MUC17: variants seen among roughly 807,000 people sequenced by gnomAD.
The protein encoded by MUC17 is mucin 17, cell surface associated.
In MUC17, 190 loss-of-function variants were observed where a neutral mutation model predicts 170.3. The ratio of observed to expected loss-of-function variants is 1.12; its 90% confidence interval spans 0.99 to 1.26. The LOEUF is 1.26. MUC17 is among the 50% of genes most tolerant of loss of function. MUC17 has a pLI of 0.00. For synonymous variants in MUC17, 2,325 were observed against 2,002.5 expected (o/e 1.16, Z -4.30); for missense variants, 6,415 against 5,530.0 (o/e 1.16, Z -5.08).
rs1439936202 is a variant in MUC17 at position 101,037,987 on chromosome 7, C to A, written c.6571C>A (p.Pro2191Thr). Residue 2191 changes from proline (P) to threonine (T), a missense_variant, in exon 3 of 13, where the codon CCT becomes ACT. Physicochemically the swap from Pro to Thr is conservative, Grantham distance 38 (BLOSUM62 -1). Coordinates refer to ENST00000306151, the MANE Select transcript of MUC17 (RefSeq NM_001040105.2). ...AACAACTCCTGTTGACACCAGCACA[C>A]CTGTGACCAATTCTACTGAAGCCCG... ...LSTTPVDTST[P>T]VTNSTEARSS... The A allele has an allele frequency of 6.2e-7, 1 of 1,608,304 alleles. No individual in the cohort carries two copies. Among genetic ancestry groups the A allele is most frequent in the Non-Finnish European group, 8.5e-7 (1 of 1,176,924 alleles).
At chr7:101,025,029 A>C (rs1421538926) in intron 1 of MUC17, among the ~76,000 whole-genome samples, 1 of 151,968 alleles carries the variant, frequency 6.6e-6, no homozygotes, top group Non-Finnish European at 1.5e-5. Flanking sequence ...TCTAAAAAAA[A>C]GAAAAATTTA....
Position 101,043,606 on chromosome 7 carries a change from C to A in MUC17, c.12190C>A (p.Pro4064Thr). The A allele has an allele frequency of 1.9e-6, 3 of 1,614,206 alleles. No homozygotes were observed. The highest frequency in any genetic ancestry group is 2.5e-6 in the Non-Finnish European group (3 of 1,180,042). Residue 4064 changes from proline to threonine, a missense_variant, in exon 3 of 13, where the codon CCT becomes ACT. Coordinates refer to ENST00000306151, the MANE Select transcript of MUC17 (RefSeq NM_001040105.2). Reference protein sequence around the residue: ...PSTITSHTIPPTFPPAHSSTP... With the variant: ...PSTITSHTIPTTFPPAHSSTP... The stretch of plus-strand genomic sequence containing the variant: ...AACAATTACTTCTCACACCATCCCA[C>A]CTACATTTCCTCCTGCTCACTCCAG...
rs987104572 is a variant in MUC17 at position 101,039,139 on chromosome 7, C to G, written c.7723C>G (p.Pro2575Ala). The change falls in exon 3 of 13, where the codon CCA (proline) becomes GCA (alanine). Residue 2575 changes from proline (P) to alanine (A), a missense_variant. By Grantham distance (27) the Pro-to-Ala change is conservative (BLOSUM62 -1). Transcript: ENST00000306151. ...CTCAACTTATAGTGAAGGAAGCACT[C>G]CATTAAGAAGTATGCCTGTCAGCAC... ...PTSTYSEGSTPLRSMPVSTKP... is the reference protein window; with the variant it reads ...PTSTYSEGSTALRSMPVSTKP... 6 of 1,613,878 alleles carry G rather than the reference C, an allele frequency of 3.7e-6. No homozygotes were observed. The highest frequency in any genetic ancestry group is 5.1e-6 in the Non-Finnish European group (6 of 1,179,966).
At position 101,041,136 on chromosome 7, in the gene MUC17, C is replaced by T; in HGVS notation, c.9720C>T (p.Ser3240=). The part of the protein sequence containing the change: ...SNTPVASSEA[S]ILSTTPVDSN... ...CGCCGGTGGCCAGTTCTGAGGCTAG[C>T]ATCCTTTCAACAACTCCTGTTGACT... Residue 3240 remains serine, a synonymous_variant, in exon 3 of 13, where the codon AGC becomes AGT. Coordinates refer to ENST00000306151, the MANE Select transcript of MUC17 (RefSeq NM_001040105.2). The T allele has an allele frequency of 6.2e-7, 1 of 1,613,670 alleles. No individual in the cohort carries two copies. Among genetic ancestry groups the T allele is most frequent in the African/African-American group, 1.3e-5 (1 of 74,924 alleles).
In MUC17 at chr7:101,033,355, A is replaced by G. The variant is rs1262558068; in HGVS notation, c.1939A>G (p.Ser647Gly). ...STTLVASSEA[S>G]TLSTTPVDSN... Reference sequence around the variant, plus strand: ...CACACTGGTGGCCAGTTCTGAGGCTAGCACCCTTTCAACAACTCCTGTTGA... The same window carrying G: ...CACACTGGTGGCCAGTTCTGAGGCTGGCACCCTTTCAACAACTCCTGTTGA... Residue 647 changes from serine (S) to glycine (G), a missense_variant, in exon 3 of 13, where the codon AGC becomes GGC. Ser to Gly is a moderately conservative substitution (Grantham distance 56). Transcript: ENST00000306151. 1 of 1,613,934 alleles carries G rather than the reference A, an allele frequency of 6.2e-7. No individual in the cohort carries two copies. Among genetic ancestry groups the G allele is most frequent in the Non-Finnish European group, 8.5e-7 (1 of 1,179,844 alleles).
intron 11 of MUC17, 79 bp downstream of exon 11, chr7:101,053,515 C>A: frequency 1.7e-6 from 2 of 1,159,622 alleles, no homozygotes; most frequent in Non-Finnish European, 2.5e-6. Flanking sequence ...CATCTGTAAT[C>A]CCAGCACTTT....
chr7:101,052,002 C>T (rs1794956893), intron 9 of MUC17, 40 bp downstream of exon 9: 2 of 1,585,258 alleles, frequency 1.3e-6, no homozygotes, highest in Non-Finnish European at 1.7e-6. Flanking sequence ...GCCCAGACGT[C>T]CTGGTCCTCC....
Position 101,038,512 on chromosome 7 carries a change from A to G in MUC17, c.7096A>G (p.Ser2366Gly). 2.5e-6 allele frequency: 4 copies of G among 1,605,046 alleles called. No individual in the cohort carries two copies. Among genetic ancestry groups the G allele is most frequent in the Non-Finnish European group, 3.4e-6 (4 of 1,174,468 alleles). The change falls in exon 3 of 13, where the codon AGC (serine) becomes GGC (glycine). Residue 2366 changes from serine (S) to glycine (G), a missense_variant. Coordinates refer to ENST00000306151, the MANE Select transcript of MUC17 (RefSeq NM_001040105.2). The part of the protein sequence containing the change: ...STLSTTPADT[S>G]TPVTTYSQAG... Reference sequence around the variant, plus strand: ...ACTTTCTACAACTCCTGCTGACACCAGCACACCTGTGACTACTTATTCTCA... The same window carrying G: ...ACTTTCTACAACTCCTGCTGACACCGGCACACCTGTGACTACTTATTCTCA...
Position 101,048,075 on chromosome 7 carries a change from T to G in MUC17, c.12495T>G (p.Tyr4165Ter), listed in dbSNP as rs1309148019. Residue 4165 changes from tyrosine to a stop codon, truncating the protein, a stop_gained, in exon 4 of 13, where the codon TAT (tyrosine) becomes TAG (stop). Coordinates refer to ENST00000306151, the MANE Select transcript of MUC17 (RefSeq NM_001040105.2). LOFTEE classifies it high-confidence loss of function. ...AGTGCCAGTGTCCCAACCTCTATTATGGGGAGTTGTGTGAGGAGGTGGTCA... is the reference window on the plus strand; with the variant it reads ...AGTGCCAGTGTCCCAACCTCTATTAGGGGGAGTTGTGTGAGGAGGTGGTCA... ...GLKCQCPNLY[Y>*]GELCEEVVSS... is the part of the protein sequence containing the mutation. 2 of 1,604,644 alleles carry G rather than the reference T, an allele frequency of 1.2e-6. No individual in the cohort carries two copies. Among genetic ancestry groups the G allele is most frequent in the East Asian group, 4.6e-5 (2 of 43,866 alleles).
In MUC17 at chr7:101,052,990, G is replaced by A. The variant is rs201025775; in HGVS notation, c.13108G>A (p.Val4370Met). The A allele has an allele frequency of 1.1e-5, 17 of 1,612,244 alleles. No homozygotes were observed. Among genetic ancestry groups the A allele is most frequent in the South Asian group, 3.3e-5 (3 of 90,854 alleles). ...GCCGCTTCTCTCCCATCTCAGCTGCGTGACCACGGAAACTCACTGGTACAG... is the reference window on the plus strand; with the variant it reads ...GCCGCTTCTCTCCCATCTCAGCTGCATGACCACGGAAACTCACTGGTACAG... ...MSLSGPQCLC[V>M]TTETHWYSGE... The change falls in exon 10 of 13, where the codon GTG (valine) becomes ATG (methionine). Residue 4370 changes from valine to methionine, a missense_variant. Coordinates refer to ENST00000306151, the MANE Select transcript of MUC17 (RefSeq NM_001040105.2).
chr7:101,048,355 A>G, intron 4 of MUC17: 1 of 287,750 alleles, frequency 3.5e-6, no homozygotes, highest in Non-Finnish European at 6.3e-6. Flanking sequence ...GTACTTTGGG[A>G]GCCTGAGGCA....
Position 101,041,851 on chromosome 7 carries a change from T to C in MUC17, c.10435T>C (p.Ser3479Pro). The C allele has an allele frequency of 6.2e-7, 1 of 1,613,998 alleles. No individual in the cohort carries two copies. Among genetic ancestry groups the C allele is most frequent in the Non-Finnish European group, 8.5e-7 (1 of 1,179,968 alleles). ...PVASSEASTL[S>P]TTPVDTSTPV... ...GGCCAGTTCTGAGGCTAGCACCCTT[T>C]CAACAACTCCTGTTGACACCAGCAC... The change falls in exon 3 of 13, where the codon TCA becomes CCA. Residue 3479 changes from serine to proline, a missense_variant. Ser to Pro is a moderately conservative substitution (Grantham distance 74). Transcript: ENST00000306151.
At chr7:101,021,816 C>T (rs920749377) in intron 1 of MUC17, among the ~76,000 whole-genome samples, 1 of 152,174 alleles carries the variant, frequency 6.6e-6, no homozygotes, top group Non-Finnish European at 1.5e-5. Flanking sequence ...GAGCCTCACC[C>T]CTGCTGAAGT....
At chr7:101,048,761 C>T (rs564551291) in intron 4 of MUC17, 84 bp from the exon 5 acceptor site, 1 of 1,497,370 alleles carries the variant, frequency 6.7e-7, no homozygotes, top group South Asian at 1.2e-5. Flanking sequence ...TACAATGGAG[C>T]TCACTCCCTC....
rs1039097957 is a variant in MUC17, at chr7:101,037,406, T to C, written c.5990T>C (p.Val1997Ala). ...AGTATGCCTCTCAGCACCACGCTGG[T>C]GGTCAGTTCTGAGGCTAGCACTCTT... ...LTSMPLSTTL[V>A]VSSEASTLST... The change falls in exon 3 of 13, where the codon GTG (valine) becomes GCG (alanine). Residue 1997 changes from valine (V) to alanine (A), a missense_variant. Transcript: ENST00000306151. The C allele has an allele frequency of 6.2e-7, 1 of 1,612,956 alleles. No individual in the cohort carries two copies. The highest frequency in any genetic ancestry group is 1.3e-5 in the African/African-American group (1 of 74,982).
rs1315720806 is a variant in MUC17, at chr7:101,040,441, AG to A, written c.9026del (p.Arg3009LysfsTer10). 6 of 1,611,470 alleles carry A rather than the reference AG, an allele frequency of 3.7e-6. No individual in the cohort carries two copies. The highest frequency in any genetic ancestry group is 5.1e-6 in the Non-Finnish European group (6 of 1,178,956). Reference protein sequence around the residue: ...VASSEASTLSRTPADTSTPVT... With the variant: ...VASSEASTLSXTPADTSTPVT... ...CAGTTCTGAGGCTAGCACCCTTTCAAGAACTCCTGCTGACACCAGCACACCT... is the reference window on the plus strand; with the variant it reads ...CAGTTCTGAGGCTAGCACCCTTTCAAAACTCCTGCTGACACCAGCACACCT... On this transcript the variant is annotated frameshift_variant, in exon 3 of 13. Transcript: ENST00000306151. LOFTEE classifies it high-confidence loss of function.
rs768768969 is a variant in MUC17 at position 101,037,481 on chromosome 7, G to T, written c.6065G>T (p.Gly2022Val). 6.2e-7 allele frequency: 1 copy of T among 1,601,924 alleles called. No homozygotes were observed. Residue 2022 changes from glycine to valine, a missense_variant, in exon 3 of 13, where the codon GGC (glycine) becomes GTC (valine). Gly to Val is a moderately radical substitution (Grantham distance 109, BLOSUM62 -3). Coordinates refer to ENST00000306151, the MANE Select transcript of MUC17 (RefSeq NM_001040105.2). ...ACTCCTGCCACCACTTCTACTGAAGGCAGTTCATCTCCTACAACTGCAGGA... is the reference window on the plus strand; with the variant it reads ...ACTCCTGCCACCACTTCTACTGAAGTCAGTTCATCTCCTACAACTGCAGGA... Reference protein sequence around the residue: ...TSTPATTSTEGSSSPTTAGGT... With the variant: ...TSTPATTSTEVSSSPTTAGGT...
In MUC17 at chr7:101,051,976, C is replaced by G. The variant is rs759408549; in HGVS notation, c.13103+14C>G. On this transcript the variant is annotated intron_variant, in intron 9 of 12. Coordinates refer to ENST00000306151, the MANE Select transcript of MUC17 (RefSeq NM_001040105.2). Reference sequence around the variant, plus strand: ...ACCTCAGTGCCTGTGAGTGCTCCCCCATCTCCTCCAGCCCAGCCCAGACGT... The same window carrying G: ...ACCTCAGTGCCTGTGAGTGCTCCCCGATCTCCTCCAGCCCAGCCCAGACGT... 6.2e-7 allele frequency: 1 copy of G among 1,606,508 alleles called. No homozygotes were observed. The highest frequency in any genetic ancestry group is 8.5e-7 in the Non-Finnish European group (1 of 1,174,768).
Position 101,038,144 on chromosome 7 carries a change from C to T in MUC17, c.6728C>T (p.Thr2243Ile), listed in dbSNP as rs1794551416. 1.9e-6 allele frequency: 3 copies of T among 1,613,774 alleles called. No homozygotes were observed. The highest frequency in any genetic ancestry group is 2.5e-6 in the Non-Finnish European group (3 of 1,179,928). The part of the protein sequence containing the change: ...VTSEASTLSA[T>I]PVDTSTPVTT... Reference sequence around the variant, plus strand: ...TCTGAGGCTAGCACCCTTTCAGCAACTCCTGTTGACACCAGCACACCTGTG... The same window carrying T: ...TCTGAGGCTAGCACCCTTTCAGCAATTCCTGTTGACACCAGCACACCTGTG... Residue 2243 changes from threonine (T) to isoleucine (I), a missense_variant, in exon 3 of 13, where the codon ACT becomes ATT. Physicochemically the swap from Thr to Ile is moderately conservative, Grantham distance 89 (BLOSUM62 -1). Coordinates refer to ENST00000306151, the MANE Select transcript of MUC17 (RefSeq NM_001040105.2).
Sources: allele counts gnomAD v4.1 joint callset (sites outside exome capture counted in the v4.1 genomes callset), GRCh38; gene constraint gnomAD v4.1.1; transcripts MANE v1.5; gene names NCBI Gene and HGNC (gene_info 2026-07-23, HGNC 2026-07-21).